The following NUP133 variants were observed in gnomAD, a reference collection of about 807,000 sequenced individuals.
The protein encoded by NUP133 is nuclear pore complex protein Nup133.
Under a neutral mutation model 146.2 loss-of-function variants are expected in NUP133, and 66 were observed. The observed-to-expected ratio is 0.45, with a 90% confidence interval of 0.37 to 0.55. The LOEUF (loss-of-function observed/expected upper bound fraction) is 0.55. Ranked by LOEUF, NUP133 falls within the 20% of genes least tolerant of loss-of-function variation. The pLI is 0.00. For missense variants in NUP133, 1,277 were observed against 1,374.8 expected, an observed-to-expected ratio of 0.93 and a Z score of 1.12; for synonymous variants, 521 against 498.8, an observed-to-expected ratio of 1.04 and a Z score of -0.59.
At chr1:229,500,056 C>T (rs1257668519) in intron 4 of NUP133, among the ~76,000 whole-genome samples, 1 of 152,078 alleles carries the variant, frequency 6.6e-6, no homozygotes, top group Non-Finnish European at 1.5e-5. Flanking sequence ...CAAGTCCTAG[C>T]CCCTGTTTTT....
chr1:229,472,707 C>CATACATATATATATATATATATAT (rs58951309), intron 14 of NUP133, among the ~76,000 whole-genome samples: 19 of 124,308 alleles, frequency 1.5e-4, no homozygotes, highest in African/African-American at 5.6e-4. Context: ...ACTAAATATA[C>CATACATATATATATATATATATAT]ATATATATAT....
At position 229,490,075 on chromosome 1, in the gene NUP133, T is replaced by C. The variant is rs752161305; in HGVS notation, c.1074A>G (p.Ala358=). 1.8e-5 allele frequency: 28 copies of C among 1,596,280 alleles called. No homozygotes were observed. Among genetic ancestry groups the C allele is most frequent in the Non-Finnish European group, 2.4e-5 (28 of 1,168,230 alleles). The stretch of plus-strand genomic sequence containing the variant: ...GACATGGATTGTCTGCTGAGTGCCA[T>C]GCTGCTGCCAAAATCACCAGCCCAT... ...NCDGLVILAA[A]WHSADNPCLI... The change falls in exon 9 of 26, where the codon GCA becomes GCG. Residue 358 remains alanine, a synonymous_variant. Transcript: ENST00000261396.
intron 5 of NUP133, among the ~76,000 whole-genome samples, chr1:229,498,812 T>A (rs1661724827): frequency 6.6e-6 from 1 of 152,164 alleles, no homozygotes; most frequent in African/African-American, 2.4e-5. Context: ...GCATATTTTT[T>A]AAATTCTGAT....
chr1:229,477,988 C>CTAAAT, intron 12 of NUP133, among the ~76,000 whole-genome samples: 1 of 151,976 alleles, frequency 6.6e-6, no homozygotes, highest in Non-Finnish European at 1.5e-5. Flanking sequence ...TTTAAAGTAA[C>CTAAAT]TAAGAGCATA....
rs1356175957 is a variant in NUP133, at chr1:229,500,882, C to G, written c.406-19G>C. The stretch of plus-strand genomic sequence containing the variant: ...CGGATAACTGTAGAACAAACCCAAA[C>G]AGAAAATCTTTCACATCAAATCCAG... On this transcript the variant is annotated intron_variant, in intron 3 of 25. Transcript: ENST00000261396. 1 of 1,518,304 alleles carries G rather than the reference C, an allele frequency of 6.6e-7. No homozygotes were observed. Among genetic ancestry groups the G allele is most frequent in the Non-Finnish European group, 9.1e-7 (1 of 1,101,562 alleles). 94.1% of individuals were successfully genotyped at this position (1,518,304 alleles called of 1,614,324 possible).
At chr1:229,464,365 G>A (rs897995189) in intron 18 of NUP133, among the ~76,000 whole-genome samples, 4 of 152,118 alleles carry the variant, frequency 2.6e-5, no homozygotes, top group Admixed American at 1.3e-4. Flanking sequence ...GGTCTGTGAT[G>A]CTAAGCTCTT....
chr1:229,460,057 A>C (rs949935944), intron 20 of NUP133, among the ~76,000 whole-genome samples: 12 of 152,158 alleles, frequency 7.9e-5, no homozygotes, highest in African/African-American at 2.7e-4. Flanking sequence ...AGCCATTCGA[A>C]CAAATGTACG....
At position 229,496,924 on chromosome 1, in the gene NUP133, T is replaced by C. The variant is rs186631863; in HGVS notation, c.820-877A>G. Among the ~76,000 whole-genome samples the C allele has an allele frequency of 2.5e-4, 38 of 152,370 alleles. No individual in the cohort carries two copies. The Middle Eastern group carries it at 0.01, about 41-fold the overall frequency. On this transcript the variant is annotated intron_variant, in intron 6 of 25. Coordinates refer to ENST00000261396, the MANE Select transcript of NUP133 (RefSeq NM_018230.3). ...TAGCAAGCAAGGGAGATATTATCAA[T>C]AGCTTCTGAACACAGAATTGTGTTT...
At chr1:229,459,583 T>C (rs1660647524) in intron 20 of NUP133, among the ~76,000 whole-genome samples, 1 of 152,212 alleles carries the variant, frequency 6.6e-6, no homozygotes, top group Non-Finnish European at 1.5e-5. Context: ...TCTGCTTCCA[T>C]GAGTTCAATT....
At position 229,495,567 on chromosome 1, in the gene NUP133, TA is replaced by T. The variant is rs1260805165; in HGVS notation, c.976-3del. 1 of 1,588,188 alleles carries T rather than the reference TA, an allele frequency of 6.3e-7. No homozygotes were observed. The highest frequency in any genetic ancestry group is 1.3e-5 in the African/African-American group (1 of 74,354). On this transcript the variant is annotated splice_polypyrimidine_tract_variant and splice_region_variant and intron_variant, in intron 7 of 25. Transcript: ENST00000261396. ...AGCTTCATAGTTACTTTCAGATCCC[TA>T]CATGAAAATATCAATAATGTAAGCT...
chr1:229,492,366 C>T (rs941091031), intron 8 of NUP133, among the ~76,000 whole-genome samples: 1 of 152,138 alleles, frequency 6.6e-6, no homozygotes, highest in Admixed American at 6.5e-5. Flanking sequence ...CTCAGCCTCC[C>T]AAAGTGCTGG....
intron 9 of NUP133, among the ~76,000 whole-genome samples, chr1:229,489,411 A>T (rs575950001): frequency 6.6e-6 from 1 of 152,386 alleles, no homozygotes; most frequent in South Asian, 2.1e-4. Context: ...GATCTAGAGC[A>T]GAAGAAACAA....
intron 14 of NUP133, among the ~76,000 whole-genome samples, chr1:229,472,562 G>C (rs945311646): frequency 6.6e-6 from 1 of 151,458 alleles, no homozygotes; most frequent in Non-Finnish European, 1.5e-5. Flanking sequence ...CATGCCTGTA[G>C]TCCCAGCTAC....
intron 15 of NUP133, among the ~76,000 whole-genome samples, chr1:229,467,000 A>ATTTG (rs1553257845): frequency 6.6e-6 from 1 of 151,982 alleles, no homozygotes; most frequent in South Asian, 2.1e-4. Context: ...TGAGATTTTT[A>ATTTG]AGCGATGATA....
chr1:229,475,502 A>T, intron 14 of NUP133, 136 bp downstream of exon 14: 1 of 596,886 alleles, frequency 1.7e-6, no homozygotes, highest in East Asian at 2.7e-5. Context: ...ACGGACTTTT[A>T]AATCAGCAGA....
intron 21 of NUP133, among the ~76,000 whole-genome samples, chr1:229,457,328 C>A (rs962460900): frequency 1.3e-5 from 2 of 152,102 alleles, no homozygotes; most frequent in Non-Finnish European, 2.9e-5. Flanking sequence ...TTTTTCTTCA[C>A]TGTCTTTCTA....
chr1:229,482,345 T>A (rs150525038), intron 12 of NUP133, among the ~76,000 whole-genome samples: 9 of 152,206 alleles, frequency 5.9e-5, no homozygotes, highest in African/African-American at 2.2e-4. Context: ...GTACACTCAG[T>A]ATATTCCTTC....
At chr1:229,455,390 T>C (rs1260088744) in intron 21 of NUP133, among the ~76,000 whole-genome samples, 1 of 151,968 alleles carries the variant, frequency 6.6e-6, no homozygotes, top group African/African-American at 2.4e-5. Context: ...TGAAACCCCA[T>C]CTCTACAAAA....
intron 12 of NUP133, among the ~76,000 whole-genome samples, chr1:229,478,207 T>G (rs1661124942): frequency 6.6e-6 from 1 of 152,096 alleles, no homozygotes; most frequent in Non-Finnish European, 1.5e-5. Context: ...CATTTATAGG[T>G]TTTGGCTCAA....
Sources: allele counts gnomAD v4.1 joint callset (sites outside exome capture counted in the v4.1 genomes callset), GRCh38; gene constraint gnomAD v4.1.1; transcripts MANE v1.5; gene names NCBI Gene and HGNC (gene_info 2026-07-23, HGNC 2026-07-21).